The following CAMK1D variants were observed in gnomAD, a reference collection of about 807,000 sequenced individuals.
CAMK1D encodes calcium/calmodulin dependent protein kinase ID.
A neutral mutation model predicts 47.7 loss-of-function variants in CAMK1D; 9 were observed. That is an observed-to-expected ratio of 0.19 (90% confidence interval 0.11 to 0.33). The LOEUF is 0.33. Ranked by LOEUF, CAMK1D falls within the 10% of genes least tolerant of loss-of-function variation. The pLI is 1.00. For synonymous variants in CAMK1D, 184 were observed against 184.9 expected, an observed-to-expected ratio of 0.99 and a Z score of 0.04; for missense variants, 291 against 488.7, an observed-to-expected ratio of 0.60 and a Z score of 3.81.
At chr10:12,590,622 A>G (rs1043754246) in intron 2 of CAMK1D, among the ~76,000 whole-genome samples, 2 of 152,198 alleles carry the variant, frequency 1.3e-5, no homozygotes, top group African/African-American at 4.8e-5. Flanking sequence ...ATGCACTTGA[A>G]CAAAACACAA....
intron 2 of CAMK1D, among the ~76,000 whole-genome samples, chr10:12,564,075 CTATCTAGA>C (rs1837039672): frequency 6.6e-6 from 1 of 151,366 alleles, no homozygotes. Context: ...GTCTGTCTAT[CTATCTAGA>C]TATCTATCTA....
intron 8 of CAMK1D, among the ~76,000 whole-genome samples, chr10:12,819,544 A>G (rs1376579125): frequency 6.6e-6 from 1 of 152,238 alleles, no homozygotes; most frequent in Non-Finnish European, 1.5e-5. Context: ...AATAACAATA[A>G]TACGGACCCC....
At chr10:12,571,074 G>A (rs1837308872) in intron 2 of CAMK1D, among the ~76,000 whole-genome samples, 2 of 152,100 alleles carry the variant, frequency 1.3e-5, no homozygotes, top group African/African-American at 4.8e-5. Context: ...TCAGTGTTGG[G>A]GTCTAGTCTT....
At chr10:12,432,752 C>T (rs1352498381) in intron 1 of CAMK1D, among the ~76,000 whole-genome samples, 2 of 152,206 alleles carry the variant, frequency 1.3e-5, no homozygotes, top group Admixed American at 6.5e-5. Flanking sequence ...CTTGCTTGCA[C>T]CCTGAAGATT....
chr10:12,566,010 C>G (rs1366463884), intron 2 of CAMK1D, among the ~76,000 whole-genome samples: 1 of 152,140 alleles, frequency 6.6e-6, no homozygotes, highest in African/African-American at 2.4e-5. Context: ...ATCAGCTCAT[C>G]TGAGTTTGCA....
At chr10:12,734,862 C>G (rs1835112499) in intron 3 of CAMK1D, among the ~76,000 whole-genome samples, 1 of 152,184 alleles carries the variant, frequency 6.6e-6, no homozygotes, top group South Asian at 2.1e-4. Flanking sequence ...GAAAAAGTAG[C>G]TCATTATTGG....
At chr10:12,639,489 C>T (rs367613866) in intron 2 of CAMK1D, among the ~76,000 whole-genome samples, 66 of 152,208 alleles carry the variant, frequency 4.3e-4, no homozygotes, top group African/African-American at 1.4e-3. Context: ...TGTCTCAAAA[C>T]AAGCAAACAA....
intron 1 of CAMK1D, among the ~76,000 whole-genome samples, chr10:12,393,668 A>C (rs1838830203): frequency 6.6e-6 from 1 of 152,172 alleles, no homozygotes. Flanking sequence ...AGATGGAGAC[A>C]CCCAGCCCAC....
At chr10:12,820,535 G>A (rs1048098244) in intron 8 of CAMK1D, among the ~76,000 whole-genome samples, 50 of 152,120 alleles carry the variant, frequency 3.3e-4, no homozygotes, top group Non-Finnish European at 2.8e-4. Flanking sequence ...CCTCATCAGC[G>A]GCAGCATTCT....
intron 1 of CAMK1D, among the ~76,000 whole-genome samples, chr10:12,551,588 A>G (rs532577678): frequency 6.6e-6 from 1 of 152,236 alleles, no homozygotes; most frequent in African/African-American, 2.4e-5. Context: ...AAATACAAAA[A>G]TTAGCCAGAT....
chr10:12,473,883 G>A (rs1011933143), intron 1 of CAMK1D, among the ~76,000 whole-genome samples: 2 of 152,204 alleles, frequency 1.3e-5, no homozygotes, highest in Admixed American at 6.5e-5. Context: ...TGCAGTTTTT[G>A]TAGGGGATTC....
intron 2 of CAMK1D, among the ~76,000 whole-genome samples, chr10:12,622,056 A>C (rs1302136228): frequency 6.6e-6 from 1 of 152,166 alleles, no homozygotes; most frequent in African/African-American, 2.4e-5. Context: ...CAGCCACTGC[A>C]TGTGGCGGGG....
intron 1 of CAMK1D, among the ~76,000 whole-genome samples, chr10:12,445,519 G>A (rs1015426281): frequency 1.3e-5 from 2 of 152,124 alleles, no homozygotes; most frequent in African/African-American, 4.8e-5. Context: ...CTTACAGACT[G>A]GGCAGAAGAG....
At chr10:12,498,525 A>AT (rs1307640442) in intron 1 of CAMK1D, among the ~76,000 whole-genome samples, 8 of 152,120 alleles carry the variant, frequency 5.3e-5, no homozygotes, top group Admixed American at 1.3e-4. Context: ...GATGTGTTTG[A>AT]TTTTCAGCCT....
intron 8 of CAMK1D, among the ~76,000 whole-genome samples, chr10:12,819,404 G>A (rs1832934326): frequency 6.6e-6 from 1 of 152,218 alleles, no homozygotes. Flanking sequence ...TGGGAAGGAG[G>A]GCAGGAACTG....
intron 2 of CAMK1D, among the ~76,000 whole-genome samples, chr10:12,645,974 T>G (rs999763323): frequency 1.0e-3 from 154 of 152,050 alleles, no homozygotes; most frequent in Middle Eastern, 3.4e-3. Context: ...CTAGTTGTTT[T>G]TTTTTTTTTT....
intron 1 of CAMK1D, among the ~76,000 whole-genome samples, chr10:12,369,817 G>A (rs1354596989): frequency 6.6e-6 from 1 of 151,720 alleles, no homozygotes; most frequent in Non-Finnish European, 1.5e-5. Context: ...TTAGCTGAGT[G>A]TGGTGGCGCG....
At chr10:12,683,148 G>A (rs1292961967) in intron 3 of CAMK1D, among the ~76,000 whole-genome samples, 4 of 149,846 alleles carry the variant, frequency 2.7e-5, no homozygotes, top group East Asian at 2.0e-4. Context: ...GTGCGGTGGC[G>A]TGATCTCAGC....
chr10:12,515,430 C>CTTTTTTTTTTTTA (rs55728182), intron 1 of CAMK1D, among the ~76,000 whole-genome samples: 19,494 of 91,022 alleles, frequency 0.21, 1,870 homozygotes, highest in African/African-American at 0.26. Context: ...TTTTTTTTTT[C>CTTTTTTTTTTTTA]ATTATACTTT....
Sources: gnomAD v4.1 joint callset for allele counts (sites outside exome capture counted in the v4.1 genomes callset) on GRCh38, gnomAD v4.1.1 for gene constraint, MANE v1.5 for transcripts, NCBI Gene and HGNC (gene_info 2026-07-23, HGNC 2026-07-21) for gene names.